RANBP2: variants seen among roughly 807,000 people sequenced by gnomAD.
RANBP2 encodes RAN binding protein 2, also known as E3 SUMO-protein ligase RanBP2.
RANBP2 carries 57 observed loss-of-function variants against 303.6 expected under a neutral mutation model. The observed-to-expected ratio is 0.19, with a 90% CI of 0.15 to 0.23. The LOEUF (loss-of-function observed/expected upper bound fraction) is 0.23. Among genes scored for constraint, RANBP2 ranks in the 10% least tolerant of loss-of-function variants. The pLI is 1.00. For synonymous variants in RANBP2, 1,167 were observed against 1,301.5 expected (o/e 0.90, Z 2.23); for missense variants, 3,138 against 3,780.8 (o/e 0.83, Z 4.46).
rs1181789436 is a variant in RANBP2, at chr2:108,768,037, A to G, written c.7498A>G (p.Thr2500Ala). ...DATSEVEVSS[T>A]SETTPKAVVS... is the part of the protein sequence containing the mutation. ...AACTTCAGAAGTTGAAGTGTCTAGC[A>G]CATCTGAAACAACACCAAAAGCAGT... The change falls in exon 20 of 29, where the codon ACA (threonine) becomes GCA (alanine). Residue 2500 changes from threonine (T) to alanine (A), a missense_variant. Thr to Ala is a moderately conservative substitution (Grantham distance 58). Transcript: ENST00000283195. 6.2e-7 allele frequency: 1 copy of G among 1,612,050 alleles called. No homozygotes were observed. Among genetic ancestry groups the G allele is most frequent in the South Asian group, 1.1e-5 (1 of 90,994 alleles).
the RANBP2 span, among the ~76,000 whole-genome samples, chr2:108,873,848 C>T: frequency 6.6e-6 from 1 of 152,160 alleles, no homozygotes; most frequent in African/African-American, 2.4e-5. Flanking sequence ...AGCCCATGGG[C>T]TGCAGGTTGG....
chr2:109,336,609 A>G, the RANBP2 span, among the ~76,000 whole-genome samples: 1 of 152,196 alleles, frequency 6.6e-6, no homozygotes, highest in African/African-American at 2.4e-5. Context: ...CGTTGAGGCA[A>G]ATGCTCTTTG....
the RANBP2 span, among the ~76,000 whole-genome samples, chr2:109,082,696 T>G: frequency 6.6e-6 from 1 of 152,136 alleles, no homozygotes; most frequent in Non-Finnish European, 1.5e-5. Flanking sequence ...ATGCCTATGG[T>G]CCCAGGTACT....
chr2:108,861,008 T>G, the RANBP2 span, among the ~76,000 whole-genome samples: 2 of 138,326 alleles, frequency 1.4e-5, no homozygotes, highest in East Asian at 4.8e-4. Context: ...AGCTCAATAC[T>G]GGTCTGTTCA....
rs569974969 is a variant in RANBP2, at chr2:108,723,684, A to G, written c.72+4006A>G. Among the ~76,000 whole-genome samples the G allele has an allele frequency of 2.0e-5, 3 of 152,306 alleles. No individual in the cohort carries two copies. The East Asian group carries it at 5.8e-4, about 29-fold the overall frequency. On this transcript the variant is annotated intron_variant, in intron 1 of 28. Coordinates refer to ENST00000283195, the MANE Select transcript of RANBP2 (RefSeq NM_006267.5). ...TGTTATTGCAGTTTTTGTTTAAATG[A>G]ATATTTAACATTTATATAAATATAA...
chr2:108,733,816 T>G (rs1404264419), intron 4 of RANBP2, among the ~76,000 whole-genome samples: 1 of 151,798 alleles, frequency 6.6e-6, no homozygotes, highest in Non-Finnish European at 1.5e-5. Flanking sequence ...TTTAATAACT[T>G]GAAGGCACTG....
At chr2:109,108,962 T>C in the RANBP2 span, among the ~76,000 whole-genome samples, 2 of 152,230 alleles carry the variant, frequency 1.3e-5, no homozygotes, top group Admixed American at 6.5e-5. Context: ...GATTGGACAA[T>C]TCAGGCTGCT....
chr2:109,742,490 G>A, the RANBP2 span, among the ~76,000 whole-genome samples: 7 of 148,336 alleles, frequency 4.7e-5, 1 homozygote, highest in Non-Finnish European at 8.9e-5. Context: ...TGATATATAT[G>A]GGGAAGACTA....
At chr2:109,432,374 C>T in the RANBP2 span, 2 of 1,188,952 alleles carry the variant, frequency 1.7e-6, no homozygotes, top group African/African-American at 3.0e-5. Flanking sequence ...ACTGCAGAGC[C>T]CCCATAGACT....
chr2:109,251,414 T>G, the RANBP2 span: 1 of 700,748 alleles, frequency 1.4e-6, no homozygotes. Context: ...GTGCATGGAG[T>G]AGACACCATG....
the RANBP2 span, among the ~76,000 whole-genome samples, chr2:109,021,875 TGAGGCAC>T: frequency 6.6e-6 from 1 of 152,128 alleles, no homozygotes; most frequent in East Asian, 1.9e-4. Flanking sequence ...AGAGAATCTG[TGAGGCAC>T]GATTTTTCAC....
chr2:108,794,567 C>T, the RANBP2 span: 17 of 1,612,294 alleles, frequency 1.1e-5, no homozygotes, highest in South Asian at 3.3e-5. Context: ...ACGACCTCAT[C>T]GAGACCTCGG....
chr2:109,589,744 A>C, the RANBP2 span, among the ~76,000 whole-genome samples: 1 of 151,610 alleles, frequency 6.6e-6, no homozygotes, highest in African/African-American at 2.4e-5. Context: ...GCCAAAAAAA[A>C]CCCGCTTGGA....
At chr2:109,189,621 C>G in the RANBP2 span, among the ~76,000 whole-genome samples, 2 of 152,140 alleles carry the variant, frequency 1.3e-5, no homozygotes, top group African/African-American at 4.8e-5. Context: ...CCCTCCTTGG[C>G]CTCCCAAAGT....
At chr2:109,373,180 T>G in the RANBP2 span, among the ~76,000 whole-genome samples, 1 of 152,250 alleles carries the variant, frequency 6.6e-6, no homozygotes. Context: ...CAAGTTTCCA[T>G]GTATTTGCAC....
the RANBP2 span, chr2:109,501,834 C>T: frequency 8.5e-6 from 5 of 588,738 alleles, no homozygotes; most frequent in East Asian, 2.8e-5. Flanking sequence ...CTGTGGAGGT[C>T]GTGCCTTCTC....
chr2:109,067,045 T>A, the RANBP2 span, among the ~76,000 whole-genome samples: 1 of 148,816 alleles, frequency 6.7e-6, no homozygotes, highest in Non-Finnish European at 1.5e-5. Context: ...GAACACAACA[T>A]ATAGCAGAGA....
the RANBP2 span, among the ~76,000 whole-genome samples, chr2:109,626,738 A>G: frequency 6.6e-6 from 1 of 152,120 alleles, no homozygotes; most frequent in Non-Finnish European, 1.5e-5. Flanking sequence ...ACTTCTGAGG[A>G]TTTTCAGTAG....
At chr2:108,994,998 T>A in the RANBP2 span, among the ~76,000 whole-genome samples, 1 of 151,570 alleles carries the variant, frequency 6.6e-6, no homozygotes, top group East Asian at 1.9e-4. Flanking sequence ...CCTGGCTAAT[T>A]TTTTTGTATT....
Sources: allele counts gnomAD v4.1 joint callset (sites outside exome capture counted in the v4.1 genomes callset), GRCh38; gene constraint gnomAD v4.1.1; transcripts MANE v1.5; gene names NCBI Gene and HGNC (gene_info 2026-07-23, HGNC 2026-07-21).